Variants in AGBL4 observed in about 807,000 individuals in gnomAD.
AGBL4 encodes cytosolic carboxypeptidase 6.
Under a neutral mutation model 66.4 loss-of-function variants are expected in AGBL4, and 58 were observed. The ratio of observed to expected loss-of-function variants is 0.87; its 90% confidence interval spans 0.71 to 1.09. The LOEUF (loss-of-function observed/expected upper bound fraction) is 1.09. Among genes scored for constraint, AGBL4 ranks in the 50% least tolerant of loss-of-function variants. AGBL4 has a pLI of 0.00. For synonymous variants in AGBL4, 234 were observed against 222.9 expected, an observed-to-expected ratio of 1.05 and a Z score of -0.44; for missense variants, 579 against 631.0, an observed-to-expected ratio of 0.92 and a Z score of 0.88.
In AGBL4 at chr1:49,359,062, T is replaced by C. The variant is rs374909336; in HGVS notation, c.283-113198A>G. 1.2e-3 allele frequency among the ~76,000 whole-genome samples: 190 copies of C among 152,288 alleles called. 1 individual carries two copies. Among genetic ancestry groups the C allele is most frequent in the African/African-American group, 4.2e-3 (176 of 41,548 alleles). On this transcript the variant is annotated intron_variant, in intron 3 of 13. Coordinates refer to ENST00000371839, the MANE Select transcript of AGBL4 (RefSeq NM_032785.4). ...GCAGTGAGCACCATGTGTGCGTACA[T>C]ACATTAAAAGCTGGAGGCTCAGACA...
chr1:49,207,486 TTC>T (rs1557729514), intron 4 of AGBL4, among the ~76,000 whole-genome samples: 6 of 150,882 alleles, frequency 4.0e-5, no homozygotes, highest in Non-Finnish European at 8.9e-5. Context: ...TTCTTTTTCT[TTC>T]TTTCTTTTCT....
intron 8 of AGBL4, among the ~76,000 whole-genome samples, chr1:48,650,634 A>G (rs1645914103): frequency 6.6e-6 from 1 of 152,136 alleles, no homozygotes; most frequent in Admixed American, 6.5e-5. Flanking sequence ...TTCCTCCATC[A>G]CAGAATTATG....
At chr1:49,649,515 T>C (rs1195087460) in intron 3 of AGBL4, among the ~76,000 whole-genome samples, 2 of 152,156 alleles carry the variant, frequency 1.3e-5, no homozygotes, top group South Asian at 2.1e-4. Context: ...GATCCACTAT[T>C]ATGGTTGGAA....
chr1:49,189,258 T>C (rs1647071248), intron 4 of AGBL4, among the ~76,000 whole-genome samples: 1 of 152,212 alleles, frequency 6.6e-6, no homozygotes, highest in Non-Finnish European at 1.5e-5. Context: ...AGAGTAATCT[T>C]TCTCCTCTTA....
At chr1:49,549,403 G>A (rs191524340) in intron 3 of AGBL4, among the ~76,000 whole-genome samples, 1 of 151,700 alleles carries the variant, frequency 6.6e-6, no homozygotes, top group Non-Finnish European at 1.5e-5. Flanking sequence ...CAATCTTTTT[G>A]ATGTAGGCGT....
intron 5 of AGBL4, among the ~76,000 whole-genome samples, chr1:49,037,187 A>G (rs142590309): frequency 1.3e-5 from 2 of 152,164 alleles, no homozygotes; most frequent in East Asian, 1.9e-4. Flanking sequence ...AGCTCTAGAG[A>G]TTCTTTTGAA....
intron 3 of AGBL4, among the ~76,000 whole-genome samples, chr1:49,394,724 A>G (rs1370505812): frequency 2.0e-5 from 3 of 152,176 alleles, no homozygotes; most frequent in African/African-American, 4.8e-5. Flanking sequence ...CTGCTCCTGC[A>G]TTGCTTAAAA....
At chr1:49,640,574 T>C (rs1304588910) in intron 3 of AGBL4, among the ~76,000 whole-genome samples, 3 of 152,128 alleles carry the variant, frequency 2.0e-5, no homozygotes, top group Admixed American at 2.0e-4. Context: ...CTTAAAACAA[T>C]TGAAATTCTA....
In AGBL4 at chr1:48,777,228, CGCT is replaced by C. The variant is rs144527847; in HGVS notation, c.634+89960_634+89962del. Among the ~76,000 whole-genome samples, 79 of 152,156 alleles carry C rather than the reference CGCT, an allele frequency of 5.2e-4. No individual in the cohort carries two copies. In the East Asian group the frequency reaches 0.015, roughly 29 times the overall value. On this transcript the variant is annotated intron_variant, in intron 6 of 13. Coordinates refer to ENST00000371839, the MANE Select transcript of AGBL4 (RefSeq NM_032785.4). Reference sequence around the variant, plus strand: ...AAAAAAATGCATTGATTAAAAGGTGCGCTGCGTGCAGGATTATATTGCTTCAAC... The same window carrying C: ...AAAAAAATGCATTGATTAAAAGGTGCGCGTGCAGGATTATATTGCTTCAAC...
intron 6 of AGBL4, among the ~76,000 whole-genome samples, chr1:48,714,898 C>A (rs1443796342): frequency 6.6e-6 from 1 of 152,196 alleles, no homozygotes; most frequent in Non-Finnish European, 1.5e-5. Context: ...ACTTTTCAGC[C>A]CCTATGATAT....
intron 4 of AGBL4, among the ~76,000 whole-genome samples, chr1:49,054,095 T>C (rs1222726365): frequency 6.6e-6 from 1 of 152,110 alleles, no homozygotes; most frequent in African/African-American, 2.4e-5. Flanking sequence ...ACTTCTGATG[T>C]CTGGCTTATT....
intron 3 of AGBL4, among the ~76,000 whole-genome samples, chr1:49,565,016 G>A (rs970067920): frequency 5.3e-5 from 8 of 152,192 alleles, no homozygotes; most frequent in African/African-American, 1.9e-4. Flanking sequence ...ATATATTTAG[G>A]ATAGCTAGTT....
intron 6 of AGBL4, among the ~76,000 whole-genome samples, chr1:48,666,969 A>G (rs554692264): frequency 6.6e-6 from 1 of 152,368 alleles, no homozygotes; most frequent in Non-Finnish European, 1.5e-5. Context: ...CAGAAAGGTT[A>G]AATGACTTGC....
At chr1:49,535,144 G>GA (rs1440450111) in intron 3 of AGBL4, among the ~76,000 whole-genome samples, 1 of 152,046 alleles carries the variant, frequency 6.6e-6, no homozygotes, top group East Asian at 1.9e-4. Context: ...CAGTGAAACA[G>GA]AGTAGAAAAT....
At chr1:48,622,852 A>C (rs1294030450) in intron 9 of AGBL4, among the ~76,000 whole-genome samples, 1 of 152,218 alleles carries the variant, frequency 6.6e-6, no homozygotes, top group Admixed American at 6.5e-5. Flanking sequence ...ACAATGCCTT[A>C]AGTAAGTCAC....
intron 6 of AGBL4, among the ~76,000 whole-genome samples, chr1:48,689,731 C>T (rs1393855718): frequency 2.0e-5 from 3 of 152,080 alleles, no homozygotes; most frequent in Non-Finnish European, 4.4e-5. Context: ...GGTGAAGAGG[C>T]TAGTCAGATT....
At chr1:49,781,186 T>C (rs1204916229) in intron 2 of AGBL4, among the ~76,000 whole-genome samples, 2 of 152,086 alleles carry the variant, frequency 1.3e-5, no homozygotes, top group Non-Finnish European at 2.9e-5. Context: ...GGCCAGAAGT[T>C]TGAGACCAGC....
At chr1:48,563,657 T>C (rs77354560) in intron 11 of AGBL4, among the ~76,000 whole-genome samples, 25 of 151,702 alleles carry the variant, frequency 1.6e-4, no homozygotes, top group Non-Finnish European at 2.8e-4. Context: ...TACAGATAGA[T>C]AGACAGACAA....
rs1557607221 is a variant in AGBL4, at chr1:49,947,973, TTTATAAATATATATTTA to T, written c.34+75773_34+75789del. On this transcript the variant is annotated intron_variant, in intron 1 of 13. Transcript: ENST00000371839. ...TGCAATATATATATAAATATATATA[TTTATAAATATATATTTA>T]TATATATAAATATATATAAATATAT... 2.2e-4 allele frequency among the ~76,000 whole-genome samples: 16 copies of T among 73,774 alleles called. No homozygotes were observed. The East Asian group carries it at 5.0e-3, about 23-fold the overall frequency. The allele number at this position is 73,774 out of a possible 152,430, so 48.4% of individuals were successfully genotyped here.
Sources: gnomAD v4.1 joint callset for allele counts (sites outside exome capture counted in the v4.1 genomes callset) on GRCh38, gnomAD v4.1.1 for gene constraint, MANE v1.5 for transcripts, NCBI Gene and HGNC (gene_info 2026-07-23, HGNC 2026-07-21) for gene names.